JAM2: variants seen among roughly 807,000 people sequenced by gnomAD.
JAM2 encodes the protein junctional adhesion molecule B.
A neutral mutation model predicts 42.0 loss-of-function variants in JAM2; 17 were observed. The observed-to-expected ratio is 0.40, with a 90% confidence interval of 0.28 to 0.61. The LOEUF is 0.61. Among genes scored for constraint, JAM2 ranks in the 20% least tolerant of loss-of-function variants. JAM2 has a pLI of 0.37. For synonymous variants in JAM2, 118 were observed against 128.6 expected, an observed-to-expected ratio of 0.92 and a Z score of 0.56; for missense variants, 319 against 358.3, an observed-to-expected ratio of 0.89 and a Z score of 0.89.
chr21:25,688,272 A>ATGTG (rs1250796897), intron 2 of JAM2, among the ~76,000 whole-genome samples: 47 of 119,934 alleles, frequency 3.9e-4, no homozygotes, highest in Non-Finnish European at 1.6e-4. Flanking sequence ...GTGTGTGTGT[A>ATGTG]TGTGTGTGTA....
intron 1 of JAM2, among the ~76,000 whole-genome samples, chr21:25,646,511 C>G (rs2032615788): frequency 6.6e-6 from 1 of 151,896 alleles, no homozygotes; most frequent in Admixed American, 6.6e-5. Flanking sequence ...ATTTGATATT[C>G]AGAAGAGTGG....
intron 1 of JAM2, among the ~76,000 whole-genome samples, chr21:25,669,921 C>G (rs1342526634): frequency 6.6e-6 from 1 of 152,138 alleles, no homozygotes; most frequent in Non-Finnish European, 1.5e-5. Context: ...TGGTAGAATA[C>G]AATTTAGTTC....
At chr21:25,651,061 CAAAAAAAA>C (rs35308745) in intron 1 of JAM2, among the ~76,000 whole-genome samples, 1 of 71,026 alleles carries the variant, frequency 1.4e-5, no homozygotes, top group Non-Finnish European at 2.7e-5. Flanking sequence ...CTCCCCCCGC[CAAAAAAAA>C]AAAAAAAAAA....
chr21:25,661,104 T>C (rs376110496), intron 1 of JAM2, among the ~76,000 whole-genome samples: 1 of 152,046 alleles, frequency 6.6e-6, no homozygotes, highest in East Asian at 1.9e-4. Context: ...AACCCTATTC[T>C]TATATTCCTG....
intron 1 of JAM2, among the ~76,000 whole-genome samples, chr21:25,654,647 CAAAA>C (rs34222589): frequency 2.2e-5 from 2 of 91,612 alleles, no homozygotes; most frequent in South Asian, 7.3e-4. Context: ...GACTTTCTCT[CAAAA>C]AAAAAAAAAA....
At chr21:25,697,603 A>G (rs1284564031) in intron 4 of JAM2, among the ~76,000 whole-genome samples, 1 of 152,120 alleles carries the variant, frequency 6.6e-6, no homozygotes, top group African/African-American at 2.4e-5. Context: ...CTGGGCCTGA[A>G]AAAAATACTC....
chr21:25,660,466 C>G (rs1324639081), intron 1 of JAM2, among the ~76,000 whole-genome samples: 1 of 151,964 alleles, frequency 6.6e-6, no homozygotes, highest in Non-Finnish European at 1.5e-5. Context: ...TTTATGGGAC[C>G]TATTCCATTG....
chr21:25,689,438 G>A (rs993476459), intron 2 of JAM2, among the ~76,000 whole-genome samples: 1 of 152,170 alleles, frequency 6.6e-6, no homozygotes, highest in Non-Finnish European at 1.5e-5. Flanking sequence ...ACACTGGGCT[G>A]AAACGCCATT....
intron 1 of JAM2, among the ~76,000 whole-genome samples, chr21:25,645,800 A>C (rs2032591862): frequency 6.6e-6 from 1 of 152,242 alleles, no homozygotes; most frequent in Middle Eastern, 3.2e-3. Context: ...CCTAGGCTAC[A>C]AACCTATACA....
At chr21:25,671,309 A>AT (rs1555864051) in intron 1 of JAM2, among the ~76,000 whole-genome samples, 1 of 151,196 alleles carries the variant, frequency 6.6e-6, no homozygotes, top group Non-Finnish European at 1.5e-5. Flanking sequence ...ATACAAAAAA[A>AT]TGCTTATTCT....
chr21:25,660,064 AC>A (rs2033037144), intron 1 of JAM2, among the ~76,000 whole-genome samples: 1 of 151,874 alleles, frequency 6.6e-6, no homozygotes, highest in Admixed American at 6.6e-5. Context: ...ACTACAGGCC[AC>A]CCCCGACCAT....
chr21:25,683,154 G>A (rs1171254467), intron 1 of JAM2, among the ~76,000 whole-genome samples: 2 of 120 alleles, frequency 0.017, no homozygotes, highest in Non-Finnish European at 0.029. Flanking sequence ...CTTCTACCCA[G>A]TACTTCCTGT....
At chr21:25,669,700 G>A (rs57400196) in intron 1 of JAM2, among the ~76,000 whole-genome samples, 3,706 of 152,296 alleles carry the variant, frequency 0.024, 149 homozygotes, top group African/African-American at 0.084. Flanking sequence ...CCAAGGTGAC[G>A]TGGCTAGTAA....
At chr21:25,682,483 GC>G (rs2033657482) in intron 1 of JAM2, among the ~76,000 whole-genome samples, 1 of 152,250 alleles carries the variant, frequency 6.6e-6, no homozygotes, top group African/African-American at 2.4e-5. Flanking sequence ...CAGGGGTGTG[GC>G]TCACCTGTTC....
At position 25,716,505 on chromosome 21, in the gene JAM2, T is replaced by C. The variant is rs950460863; in HGVS notation, c.*1833T>C. The C allele has an allele frequency of 1.1e-4, 16 of 151,472 alleles. No individual in the cohort carries two copies. Among genetic ancestry groups the C allele is most frequent in the Non-Finnish European group, 1.8e-4 (12 of 68,040 alleles). 9.4% of individuals were successfully genotyped at this position (151,472 alleles called of 1,614,324 possible). A position where few individuals can be genotyped will look rare whatever the true frequency, so the allele number is the denominator to read the frequency against. ...TCCTGGAGGTCGGGCTTCTGTAACA[T>C]GGCTCTGCCCCCAAAATAAAATTTT... On this transcript the variant is annotated 3_prime_UTR_variant, in exon 10 of 10. Coordinates refer to ENST00000480456, the MANE Select transcript of JAM2 (RefSeq NM_021219.4).
chr21:25,662,425 C>T lies in JAM2; in HGVS notation c.68-21458C>T, dbSNP rs1601005646. Among the ~76,000 whole-genome samples the T allele has an allele frequency of 0.034, 4 of 116 alleles. No homozygotes were observed. The South Asian group carries it at 0.5, about 14-fold the overall frequency. The allele number at this position is 116 out of a possible 152,430, so 0.1% of individuals were successfully genotyped here. ...TCAGCCTCCCAGAGTGCTAGGATTA[C>T]AGGCGTGAGCACTGTGACCGGCCTT... On this transcript the variant is annotated intron_variant, in intron 1 of 9. Coordinates refer to ENST00000480456, the MANE Select transcript of JAM2 (RefSeq NM_021219.4).
chr21:25,674,435 G>T (rs1262700388), intron 1 of JAM2, among the ~76,000 whole-genome samples: 1 of 152,026 alleles, frequency 6.6e-6, no homozygotes, highest in Non-Finnish European at 1.5e-5. Context: ...TAAATAAATT[G>T]CCCAGTCTCA....
At chr21:25,682,102 A>G (rs1403403321) in intron 1 of JAM2, among the ~76,000 whole-genome samples, 1 of 152,272 alleles carries the variant, frequency 6.6e-6, no homozygotes, top group Non-Finnish European at 1.5e-5. Flanking sequence ...CATTTATTCA[A>G]CAAACATTTA....
chr21:25,696,529 C>G (rs2034039645), intron 4 of JAM2, among the ~76,000 whole-genome samples: 1 of 152,146 alleles, frequency 6.6e-6, no homozygotes, highest in Non-Finnish European at 1.5e-5. Flanking sequence ...TGCAGCAGAT[C>G]CGGCCAGTTT....
Sources: gnomAD v4.1 joint callset for allele counts (sites outside exome capture counted in the v4.1 genomes callset) on GRCh38, gnomAD v4.1.1 for gene constraint, MANE v1.5 for transcripts, NCBI Gene and HGNC (gene_info 2026-07-23, HGNC 2026-07-21) for gene names.